TACR1: variants seen among roughly 807,000 people sequenced by gnomAD.
TACR1 encodes substance-P receptor.
TACR1 carries 25 observed loss-of-function variants against 35.8 expected under a neutral mutation model. The ratio of observed to expected loss-of-function variants is 0.70; its 90% CI spans 0.51 to 0.98. TACR1 has a LOEUF of 0.98. TACR1 is among the 50% of genes least tolerant of loss of function. TACR1 has a pLI of 0.00. For missense variants in TACR1, 478 were observed against 522.9 expected (o/e 0.91, Z 0.84); for synonymous variants, 195 against 206.7 (o/e 0.94, Z 0.48).
intron 1 of TACR1, among the ~76,000 whole-genome samples, chr2:75,155,503 G>C (rs1488725095): frequency 6.6e-6 from 1 of 151,706 alleles, no homozygotes; most frequent in Non-Finnish European, 1.5e-5. Context: ...CCCCACCTGA[G>C]TATCACCAGC....
chr2:75,080,838 C>T (rs944438850), intron 2 of TACR1, among the ~76,000 whole-genome samples: 4 of 152,152 alleles, frequency 2.6e-5, no homozygotes, highest in Admixed American at 6.5e-5. Flanking sequence ...AGTTATTACC[C>T]TATTAGCTGA....
At chr2:75,122,080 T>A (rs1320112084) in intron 1 of TACR1, among the ~76,000 whole-genome samples, 2 of 152,198 alleles carry the variant, frequency 1.3e-5, no homozygotes, top group Admixed American at 6.5e-5. Flanking sequence ...TTCTGGGCTA[T>A]AAGCTTGTAA....
At chr2:75,116,652 C>T (rs1293301581) in intron 2 of TACR1, among the ~76,000 whole-genome samples, 1 of 152,072 alleles carries the variant, frequency 6.6e-6, no homozygotes, top group Admixed American at 6.5e-5. Flanking sequence ...CTTATGCCTG[C>T]AATCCCAGCA....
intron 2 of TACR1, among the ~76,000 whole-genome samples, chr2:75,057,658 G>A (rs1169702481): frequency 1.3e-5 from 2 of 152,284 alleles, no homozygotes; most frequent in East Asian, 3.9e-4. Flanking sequence ...TAGATGAGAG[G>A]TTTACCAGGA....
chr2:75,119,932 T>C (rs1006515725), intron 2 of TACR1, among the ~76,000 whole-genome samples: 5 of 152,068 alleles, frequency 3.3e-5, no homozygotes, highest in African/African-American at 1.2e-4. Context: ...AAGAGTACAT[T>C]ACCCAGGCAG....
rs770472061 is a variant in TACR1 at position 75,094,838 on chromosome 2, C to CATATATATATATATATATAT, written c.584+25716_584+25735dup. 5.0e-4 allele frequency among the ~76,000 whole-genome samples: 60 copies of CATATATATATATATATATAT among 119,810 alleles called. 1 individual carries two copies. Among genetic ancestry groups the CATATATATATATATATATAT allele is most frequent in the African/African-American group, 2.0e-3 (44 of 21,526 alleles). 78.6% of individuals were successfully genotyped at this position (119,810 alleles called of 152,430 possible). ...AAATTGCAAGCTGAGGAAGCAGAAA[C>CATATATATATATATATATAT]ATATATATATATATATATATATTTT... On this transcript the variant is annotated intron_variant, in intron 2 of 4. Transcript: ENST00000305249.
At chr2:75,052,042 G>T (rs189323332) in intron 3 of TACR1, among the ~76,000 whole-genome samples, 1 of 152,330 alleles carries the variant, frequency 6.6e-6, no homozygotes, top group African/African-American at 2.4e-5. Context: ...CAGTCAGAGA[G>T]TGCCAGATGT....
At chr2:75,151,724 C>G (rs566681805) in intron 1 of TACR1, among the ~76,000 whole-genome samples, 3 of 152,158 alleles carry the variant, frequency 2.0e-5, no homozygotes, top group East Asian at 1.9e-4. Flanking sequence ...GGCCACCATC[C>G]TCCAGACCCC....
chr2:75,146,926 G>A (rs1490769700), intron 1 of TACR1, among the ~76,000 whole-genome samples: 1 of 152,096 alleles, frequency 6.6e-6, no homozygotes, highest in Non-Finnish European at 1.5e-5. Flanking sequence ...CTTCTTCTGT[G>A]GTCCCAGTGT....
intron 1 of TACR1, among the ~76,000 whole-genome samples, chr2:75,166,797 G>C (rs1166746716): frequency 6.6e-6 from 1 of 152,202 alleles, no homozygotes; most frequent in Non-Finnish European, 1.5e-5. Context: ...TGTTGGAAGA[G>C]AGAAGGATGG....
intron 1 of TACR1, among the ~76,000 whole-genome samples, chr2:75,134,889 A>G (rs1227051998): frequency 6.6e-6 from 1 of 152,224 alleles, no homozygotes; most frequent in Non-Finnish European, 1.5e-5. Context: ...AAACAAGGCT[A>G]GAGGATTGAG....
At chr2:75,190,463 C>T (rs1572992451) in intron 1 of TACR1, among the ~76,000 whole-genome samples, 1 of 152,266 alleles carries the variant, frequency 6.6e-6, no homozygotes, top group Non-Finnish European at 1.5e-5. Context: ...GGGGGAAGAA[C>T]ATAAATGTTT....
At chr2:75,183,757 G>T (rs918123817) in intron 1 of TACR1, among the ~76,000 whole-genome samples, 1 of 152,176 alleles carries the variant, frequency 6.6e-6, no homozygotes, top group Admixed American at 6.6e-5. Flanking sequence ...TAAGCTGAGG[G>T]AGTAAAATCC....
At chr2:75,161,733 G>T (rs13015328) in intron 1 of TACR1, among the ~76,000 whole-genome samples, 53,260 of 151,888 alleles carry the variant, frequency 0.35, 10,692 homozygotes, top group South Asian at 0.5. Flanking sequence ...AACATTAATG[G>T]TTAAAACACT....
intron 1 of TACR1, among the ~76,000 whole-genome samples, chr2:75,134,464 G>C (rs1233844364): frequency 1.3e-5 from 2 of 152,198 alleles, no homozygotes; most frequent in African/African-American, 4.8e-5. Flanking sequence ...GCAATTTGCT[G>C]TGTGCTCCAG....
intron 1 of TACR1, among the ~76,000 whole-genome samples, chr2:75,137,541 C>T (rs978524086): frequency 3.3e-5 from 5 of 151,686 alleles, no homozygotes; most frequent in African/African-American, 1.2e-4. Context: ...CTGGCTAACA[C>T]AGTGAAACCC....
intron 1 of TACR1, among the ~76,000 whole-genome samples, chr2:75,172,994 T>G (rs1173130868): frequency 6.6e-6 from 1 of 152,072 alleles, no homozygotes; most frequent in African/African-American, 2.4e-5. Flanking sequence ...CATTTTAACT[T>G]ATTACTTCTA....
chr2:75,048,336 T>A lies in TACR1; in HGVS notation c.*1096A>T, dbSNP rs866004516. 3 of 152,230 alleles carry A rather than the reference T, an allele frequency of 2.0e-5. No individual in the cohort carries two copies. Among genetic ancestry groups the A allele is most frequent in the Non-Finnish European group, 2.9e-5 (2 of 68,040 alleles). 9.4% of individuals were successfully genotyped at this position (152,230 alleles called of 1,614,324 possible). A position where few individuals can be genotyped will look rare whatever the true frequency, so the allele number is the denominator to read the frequency against. ...CCCACATTTGTCTTCTCTGACAGTG[T>A]TCTGCAGCTATGAAATTCTGCCTGC... On this transcript the variant is annotated 3_prime_UTR_variant, in exon 5 of 5. Coordinates refer to ENST00000305249, the MANE Select transcript of TACR1 (RefSeq NM_001058.4).
chr2:75,114,541 G>T (rs1673813470), intron 2 of TACR1, among the ~76,000 whole-genome samples: 1 of 152,170 alleles, frequency 6.6e-6, no homozygotes, highest in Non-Finnish European at 1.5e-5. Context: ...TACAAGAATG[G>T]GCTTAGCTCT....
Sources: allele counts gnomAD v4.1 joint callset (sites outside exome capture counted in the v4.1 genomes callset), GRCh38; gene constraint gnomAD v4.1.1; transcripts MANE v1.5; gene names NCBI Gene and HGNC (gene_info 2026-07-23, HGNC 2026-07-21).